TARBP2: variants seen among roughly 807,000 people sequenced by gnomAD.
TARBP2 encodes the protein TARBP2 subunit of RISC loading complex, also known as RISC-loading complex subunit TARBP2.
In TARBP2, 23 loss-of-function variants were observed where a neutral mutation model predicts 40.4. The ratio of observed to expected loss-of-function variants is 0.57; its 90% CI spans 0.41 to 0.81. TARBP2 has a LOEUF of 0.81. Ranked by LOEUF, TARBP2 falls within the 30% of genes least tolerant of loss-of-function variation. The probability of loss-of-function intolerance (pLI) is 0.00; values close to 1 mark genes in which losing one functional copy is unlikely to be tolerated. For synonymous variants in TARBP2, 183 were observed against 190.5 expected, an observed-to-expected ratio of 0.96 and a Z score of 0.32; for missense variants, 358 against 473.7, an observed-to-expected ratio of 0.76 and a Z score of 2.27.
chr12:53,501,448 T>A lies in TARBP2; in HGVS notation c.40T>A (p.Cys14Ser), dbSNP rs768952302. ...EEQGSGTTTGCGLPSIEQMLA... is the reference protein window; with the variant it reads ...EEQGSGTTTGSGLPSIEQMLA... The stretch of plus-strand genomic sequence containing the variant: ...GCAAGGCTCCGGCACTACCACGGGC[T>A]GCGGGCTGCCTAGGTGAGCCGTCTC... Residue 14 changes from cysteine to serine, a missense_variant, in exon 1 of 9, where the codon TGC becomes AGC. Cys to Ser is a moderately radical substitution (Grantham distance 112, BLOSUM62 -1). This residue lies in a region of TARBP2 where 32 missense variants were observed against 21.6 expected (regional missense o/e 1.48). Transcript: ENST00000266987. 32 of 1,569,070 alleles carry A rather than the reference T, an allele frequency of 2.0e-5. No individual in the cohort carries two copies. The African/African-American group carries it at 3.5e-4, about 17-fold the overall frequency.
chr12:53,504,633 G>A, intron 5 of TARBP2, 65 bp from the exon 6 acceptor site: 2 of 1,613,680 alleles, frequency 1.2e-6, no homozygotes, highest in Non-Finnish European at 1.7e-6. Flanking sequence ...CCTGCGTGGG[G>A]ACCAGCGTGG....
In TARBP2 at chr12:53,504,426, T is replaced by C. The variant is rs149488319; in HGVS notation, c.452T>C (p.Val151Ala). The C allele has an allele frequency of 1.4e-3, 2,243 of 1,610,380 alleles. 4 individuals carry two copies. The highest frequency in any genetic ancestry group is 1.6e-3 in the Non-Finnish European group (1,840 of 1,178,392). The change falls in exon 5 of 9, where the codon GTC becomes GCC. Residue 151 changes from valine to alanine, a missense_variant. Val to Ala is a moderately conservative substitution (Grantham distance 64, BLOSUM62 0). Coordinates refer to ENST00000266987, the MANE Select transcript of TARBP2 (RefSeq NM_134323.2). The stretch of plus-strand genomic sequence containing the variant: ...CCCCCCATGGAACTGCAGCCCCCTG[T>C]CTCCCCTCAGCAGTCTGAGTGCAAC... ...RSPPMELQPP[V>A]SPQQSECNPV...
intron 3 of TARBP2, chr12:53,503,453 G>A (rs1299340133): frequency 1.4e-5 from 8 of 575,712 alleles, no homozygotes; most frequent in African/African-American, 3.7e-5. Context: ...CTTCCTTCAC[G>A]CGCAGGTTGG....
At chr12:53,503,534 T>C in intron 3 of TARBP2, 179 bp from the exon 4 acceptor site, 1 of 601,514 alleles carries the variant, frequency 1.7e-6, no homozygotes. Flanking sequence ...CTCAGTCTTT[T>C]CGCCGGTGTT....
chr12:53,502,163 G>C lies in TARBP2; in HGVS notation c.202G>C (p.Val68Leu), dbSNP rs1347448032. 2.5e-6 allele frequency: 4 copies of C among 1,614,084 alleles called. No homozygotes were observed. The African/African-American group carries it at 4.0e-5, about 16-fold the overall frequency. The part of the protein sequence containing the change: ...HQPNFTFRVT[V>L]GDTSCTGQGP... Reference sequence around the variant, plus strand: ...GCCTAATTTCACCTTCCGGGTCACCGTTGGCGACACCAGCTGCACTGGTGA... The same window carrying C: ...GCCTAATTTCACCTTCCGGGTCACCCTTGGCGACACCAGCTGCACTGGTGA... Residue 68 changes from valine (V) to leucine (L), a missense_variant, in exon 2 of 9, where the codon GTT becomes CTT. Coordinates refer to ENST00000266987, the MANE Select transcript of TARBP2 (RefSeq NM_134323.2).
intron 2 of TARBP2, 118 bp from the exon 3 acceptor site, chr12:53,502,908 AG>A: frequency 1.1e-6 from 1 of 920,362 alleles, no homozygotes; most frequent in Non-Finnish European, 1.6e-6. Flanking sequence ...CAGCAGGGGG[AG>A]GTTGGTCAGA....
At chr12:53,504,939 A>T in intron 6 of TARBP2, 124 bp downstream of exon 6, 1 of 1,433,964 alleles carries the variant, frequency 7.0e-7, no homozygotes, top group Non-Finnish European at 9.6e-7. Context: ...TCCCTAGCTC[A>T]GCCCCTTCCT....
intron 4 of TARBP2, 62 bp from the exon 5 acceptor site, chr12:53,504,335 C>T: frequency 1.3e-5 from 19 of 1,452,568 alleles, no homozygotes; most frequent in Non-Finnish European, 1.8e-5. Context: ...AGGTTTGGAG[C>T]TCATGGGCAG....
At position 53,504,941 on chromosome 12, in the gene TARBP2, C is replaced by T. The variant is rs1367580158; in HGVS notation, c.613+126C>T. 4 of 1,429,578 alleles carry T rather than the reference C, an allele frequency of 2.8e-6. No homozygotes were observed. In the East Asian group the frequency reaches 6.9e-5, roughly 25 times the overall value. 88.6% of individuals were successfully genotyped at this position (1,429,578 alleles called of 1,614,324 possible). ...CTTAGCTTCACAGTCCCTAGCTCAG[C>T]CCCTTCCTTTTAGCTTCTTGGCACC... On this transcript the variant is annotated intron_variant, in intron 6 of 8. Transcript: ENST00000266987.
chr12:53,503,007 G>T lies in TARBP2; in HGVS notation c.224-20G>T. 1.3e-6 allele frequency: 2 copies of T among 1,545,222 alleles called. No individual in the cohort carries two copies. The highest frequency in any genetic ancestry group is 1.7e-6 in the Non-Finnish European group (2 of 1,143,418). On this transcript the variant is annotated intron_variant, in intron 2 of 8. Transcript: ENST00000266987. Reference sequence around the variant, plus strand: ...CGTCCTTTCAGTGACCTCCAGTATTGCCCATGCCCCCTCTCTCAGGTCAGG... The same window carrying T: ...CGTCCTTTCAGTGACCTCCAGTATTTCCCATGCCCCCTCTCTCAGGTCAGG...
At chr12:53,504,514 G>A (rs760214326) in intron 5 of TARBP2, 45 bp downstream of exon 5, 4 of 1,606,064 alleles carry the variant, frequency 2.5e-6, no homozygotes, top group Non-Finnish European at 3.4e-6. Context: ...CTTCCCTTGA[G>A]CCAGGGGCCA....
At chr12:53,502,762 A>C (rs1943776530) in intron 2 of TARBP2, 2 of 328,844 alleles carry the variant, frequency 6.1e-6, no homozygotes, top group Non-Finnish European at 1.1e-5. Context: ...TTGCAAAGGA[A>C]ATTAAAGCAT....
chr12:53,501,794 C>T, intron 1 of TARBP2: 2 of 1,354,896 alleles, frequency 1.5e-6, no homozygotes, highest in Non-Finnish European at 1.9e-6. Flanking sequence ...CCCACCTTAA[C>T]TGAGGCAGGA....
chr12:53,505,326 A>C lies in TARBP2; in HGVS notation c.741+64A>C, dbSNP rs900313969. 3 of 1,527,772 alleles carry C rather than the reference A, an allele frequency of 2.0e-6. No homozygotes were observed. The highest frequency in any genetic ancestry group is 2.6e-6 in the Non-Finnish European group (3 of 1,134,142). The allele number at this position is 1,527,772 out of a possible 1,614,324, so 94.6% of individuals were successfully genotyped here. A position where few individuals can be genotyped will look rare whatever the true frequency, so the allele number is the denominator to read the frequency against. On this transcript the variant is annotated intron_variant, in intron 7 of 8. Transcript: ENST00000266987. This position sits in a 1 kb window ranked among gnomAD's most constrained non-coding sequence, Gnocchi z 4.5. ...TCCATGCCAGGGCAGGGCTCCAGGG[A>C]CTTGGGTCTGTGACTCAGCAGTGAG...
At chr12:53,502,233 C>T in intron 2 of TARBP2, 49 bp downstream of exon 2, 1 of 1,601,432 alleles carries the variant, frequency 6.2e-7, no homozygotes, top group Non-Finnish European at 8.5e-7. Flanking sequence ...TGCAGGTCCC[C>T]ATGGCTTTGT....
chr12:53,503,871 A>G (rs951574248), intron 4 of TARBP2, 63 bp downstream of exon 4: 2 of 1,302,584 alleles, frequency 1.5e-6, no homozygotes, highest in African/African-American at 1.5e-5. Flanking sequence ...TTGGTCCCTC[A>G]GTCCTTGGAC....
chr12:53,504,376 GC>G lies in TARBP2; in HGVS notation c.423-18del. ...GATGGAACCCTTCACCTCAACTTTG[GC>G]CCTGTGCCTTTTCCTTCAGGAGCCC... On this transcript the variant is annotated intron_variant, in intron 4 of 8. Coordinates refer to ENST00000266987, the MANE Select transcript of TARBP2 (RefSeq NM_134323.2). 1 of 1,546,012 alleles carries G rather than the reference GC, an allele frequency of 6.5e-7. No individual in the cohort carries two copies. Among genetic ancestry groups the G allele is most frequent in the East Asian group, 2.3e-5 (1 of 44,414 alleles).
chr12:53,502,935 T>G, intron 2 of TARBP2, 92 bp from the exon 3 acceptor site: 4 of 1,341,822 alleles, frequency 3.0e-6, no homozygotes, highest in Non-Finnish European at 4.0e-6. Flanking sequence ...CTTGATTGAT[T>G]CCCTCTGGCT....
In TARBP2 at chr12:53,505,514, A is replaced by G; in HGVS notation, c.742-135A>G. On this transcript the variant is annotated intron_variant, in intron 7 of 8. Transcript: ENST00000266987. This position sits in a 1 kb window ranked among gnomAD's most constrained non-coding sequence, Gnocchi z 4.5. ...CAGGGCCTGGTAGTTAGAAGGGGCC[A>G]CCCAGGGATTGACTGGGGGGAGGCA... 9.2e-7 allele frequency: 1 copy of G among 1,088,352 alleles called. No individual in the cohort carries two copies. The highest frequency in any genetic ancestry group is 2.2e-4 in the Middle Eastern group (1 of 4,520). 67.4% of individuals were successfully genotyped at this position (1,088,352 alleles called of 1,614,324 possible).
Sources: gnomAD v4.1 joint callset for allele counts on GRCh38, gnomAD v4.1.1 for gene constraint, gnomAD v4.1.1 regional missense constraint, Gnocchi (gnomAD v3.1) non-coding constraint, MANE v1.5 for transcripts, NCBI Gene and HGNC (gene_info 2026-07-23, HGNC 2026-07-21) for gene names.